PKN3: variants seen among roughly 807,000 people sequenced by gnomAD.
PKN3 encodes serine/threonine-protein kinase N3.
A neutral mutation model predicts 113.1 loss-of-function variants in PKN3; 91 were observed. The observed-to-expected ratio is 0.80, with a 90% CI of 0.68 to 0.96. The LOEUF (loss-of-function observed/expected upper bound fraction) is 0.96, where lower values mean the gene tolerates loss of function less well. PKN3 is among the 40% of genes least tolerant of loss of function. The pLI, the probability that PKN3 is intolerant of heterozygous loss-of-function variation, is 0.00. For missense variants in PKN3, 1,052 were observed against 1,202.2 expected, an observed-to-expected ratio of 0.88 and a Z score of 1.85; for synonymous variants, 467 against 499.0, an observed-to-expected ratio of 0.94 and a Z score of 0.85.
chr9:128,720,439 T>C lies in PKN3; in HGVS notation c.2503T>C (p.Phe835Leu). 1 of 1,613,190 alleles carries C rather than the reference T, an allele frequency of 6.2e-7. No homozygotes were observed. ...ALLARTIQPP[F>L]VPTLCGPADL... ...GCTCGCCCGCACCATCCAGCCCCCC[T>C]TCGTGCCTACCCTGTGTGGCCCTGC... is the stretch of plus-strand genomic sequence containing the variant. Residue 835 changes from phenylalanine to leucine, a missense_variant, in exon 22 of 22, where the codon TTC (phenylalanine) becomes CTC (leucine). Around this residue, in one of 2 missense-constraint regions of PKN3, gnomAD observed 333 missense variants for 442.8 expected, o/e 0.75. Coordinates refer to ENST00000291906, the MANE Select transcript of PKN3 (RefSeq NM_013355.5). The surrounding 1 kb of genome is among the most constrained non-coding windows in gnomAD (Gnocchi z 5.5).
At chr9:128,712,994 T>C (rs1319496351) in intron 6 of PKN3, 58 bp from the exon 7 acceptor site, 3 of 1,534,376 alleles carry the variant, frequency 2.0e-6, no homozygotes, top group Admixed American at 1.8e-5. Flanking sequence ...CAGGACACCT[T>C]GGTGGTAGCA....
At chr9:128,708,070 C>CAA (rs61519902) in intron 6 of PKN3, among the ~76,000 whole-genome samples, 4 of 68,274 alleles carry the variant, frequency 5.9e-5, no homozygotes, top group Non-Finnish European at 9.2e-5. Context: ...GACGCCGTCG[C>CAA]AAAAAAAAAA....
chr9:128,719,563 C>T (rs893487449), intron 18 of PKN3, 123 bp from the exon 19 acceptor site: 4 of 998,056 alleles, frequency 4.0e-6, no homozygotes, highest in Admixed American at 4.7e-5. Flanking sequence ...ACCATTCCCA[C>T]TTCCTTGGGT....
At position 128,702,873 on chromosome 9, in the gene PKN3, C is replaced by T. The variant is rs748952149; in HGVS notation, c.-43C>T. On this transcript the variant is annotated 5_prime_UTR_variant, in exon 1 of 22. Transcript: ENST00000291906. The stretch of plus-strand genomic sequence containing the variant: ...GCGGAGGGTCTGCGGCTTCCGGGAC[C>T]GGAGTGGCTGAGAGAAGGGCCCCAA... 3 of 1,429,126 alleles carry T rather than the reference C, an allele frequency of 2.1e-6. No individual in the cohort carries two copies. Among genetic ancestry groups the T allele is most frequent in the African/African-American group, 3.0e-5 (2 of 67,384 alleles). The allele number at this position is 1,429,126 out of a possible 1,614,324, so 88.5% of individuals were successfully genotyped here.
Position 128,715,595 on chromosome 9 carries a change from C to T in PKN3, c.1808+135C>T, listed in dbSNP as rs566653266. 1.6e-5 allele frequency: 10 copies of T among 635,306 alleles called. No homozygotes were observed. The South Asian group carries it at 1.7e-4, about 11-fold the overall frequency. 39.4% of individuals were successfully genotyped at this position (635,306 alleles called of 1,614,324 possible). A position where few individuals can be genotyped will look rare whatever the true frequency, so the allele number is the denominator to read the frequency against. On this transcript the variant is annotated intron_variant, in intron 15 of 21. Coordinates refer to ENST00000291906, the MANE Select transcript of PKN3 (RefSeq NM_013355.5). This position sits in a 1 kb window ranked among gnomAD's most constrained non-coding sequence, Gnocchi z 4.1. ...AGCCTGCATTCTCTTTTGGCACCTG[C>T]AGTTGTTAACTGTGTTTCCTTGGGC...
chr9:128,708,128 C>A (rs1407011450), intron 6 of PKN3, among the ~76,000 whole-genome samples: 3 of 147,410 alleles, frequency 2.0e-5, no homozygotes, highest in African/African-American at 7.6e-5. Context: ...TGCCTGTAAT[C>A]CCAGCACTTT....
Position 128,720,688 on chromosome 9 carries a change from G to C in PKN3, c.*82G>C. The C allele has an allele frequency of 4.9e-6, 6 of 1,223,182 alleles. No individual in the cohort carries two copies. The highest frequency in any genetic ancestry group is 5.8e-6 in the Non-Finnish European group (5 of 861,660). 75.8% of individuals were successfully genotyped at this position (1,223,182 alleles called of 1,614,324 possible). A position where few individuals can be genotyped will look rare whatever the true frequency, so the allele number is the denominator to read the frequency against. On this transcript the variant is annotated 3_prime_UTR_variant, in exon 22 of 22. Transcript: ENST00000291906. This position sits in a 1 kb window ranked among gnomAD's most constrained non-coding sequence, Gnocchi z 5.5. ...GTTCACCCGTGCGCCCTGCCTGGAG[G>C]TCCAGGCCTTGCTGGGTACTTCTGA...
rs769246611 is a variant in PKN3 at position 128,719,758 on chromosome 9, A to G, written c.2198A>G (p.Gln733Arg). ...TTCCTGGCTCCCGAGGTGCTGACCCAGGAGGCATACACACGGGCTGTGGAC... is the reference window on the plus strand; with the variant it reads ...TTCCTGGCTCCCGAGGTGCTGACCCGGGAGGCATACACACGGGCTGTGGAC... The part of the protein sequence containing the change: ...PEFLAPEVLT[Q>R]EAYTRAVDWW... The change falls in exon 19 of 22, where the codon CAG becomes CGG. Residue 733 changes from glutamine (Q) to arginine (R), a missense_variant. Around this residue, in one of 2 missense-constraint regions of PKN3, gnomAD observed 333 missense variants for 442.8 expected, o/e 0.75. Transcript: ENST00000291906. 3.7e-6 allele frequency: 6 copies of G among 1,604,982 alleles called. No homozygotes were observed. Among genetic ancestry groups the G allele is most frequent in the Non-Finnish European group, 5.1e-6 (6 of 1,174,986 alleles).
intron 7 of PKN3, 22 bp downstream of exon 7, chr9:128,713,220 G>T: frequency 2.5e-6 from 4 of 1,609,674 alleles, no homozygotes; most frequent in Middle Eastern, 3.3e-4. Flanking sequence ...AGGAGCTTCA[G>T]GGGGAGCAGG....
intron 6 of PKN3, among the ~76,000 whole-genome samples, chr9:128,711,700 G>A (rs934566300): frequency 1.3e-5 from 2 of 151,636 alleles, no homozygotes; most frequent in Admixed American, 6.6e-5. Context: ...CCAGGTTCAA[G>A]CGATTCTCCT....
At position 128,720,453 on chromosome 9, in the gene PKN3, G is replaced by T; in HGVS notation, c.2517G>T (p.Leu839=). The change falls in exon 22 of 22, where the codon CTG becomes CTT. Residue 839 remains leucine, a synonymous_variant. Coordinates refer to ENST00000291906, the MANE Select transcript of PKN3 (RefSeq NM_013355.5). The surrounding 1 kb of genome is among the most constrained non-coding windows in gnomAD (Gnocchi z 5.5). ...RTIQPPFVPT[L]CGPADLRYFE... Reference sequence around the variant, plus strand: ...TCCAGCCCCCCTTCGTGCCTACCCTGTGTGGCCCTGCGGACCTGCGCTACT... The same window carrying T: ...TCCAGCCCCCCTTCGTGCCTACCCTTTGTGGCCCTGCGGACCTGCGCTACT... The T allele has an allele frequency of 1.9e-6, 3 of 1,613,220 alleles. No individual in the cohort carries two copies. The highest frequency in any genetic ancestry group is 2.5e-6 in the Non-Finnish European group (3 of 1,180,002).
chr9:128,702,771 A>C lies in PKN3; in HGVS notation c.-145A>C. On this transcript the variant is annotated 5_prime_UTR_variant, in exon 1 of 22. Coordinates refer to ENST00000291906, the MANE Select transcript of PKN3 (RefSeq NM_013355.5). The stretch of plus-strand genomic sequence containing the variant: ...GGAGGCGGCGCTGGTCCCGCGGGCC[A>C]GCGGGTCTCGGGAGGGGGCGCCCGA... 29 of 599,480 alleles carry C rather than the reference A, an allele frequency of 4.8e-5. No individual in the cohort carries two copies. The highest frequency in any genetic ancestry group is 3.3e-5 in the Admixed American group (1 of 30,366). The allele number at this position is 599,480 out of a possible 1,614,324, so 37.1% of individuals were successfully genotyped here.
Position 128,714,204 on chromosome 9 carries a change from C to T in PKN3, c.1320C>T (p.Asp440=), listed in dbSNP as rs748349356. 2.5e-6 allele frequency: 4 copies of T among 1,613,994 alleles called. No individual in the cohort carries two copies. The highest frequency in any genetic ancestry group is 2.5e-6 in the Non-Finnish European group (3 of 1,179,918). Reference sequence around the variant, plus strand: ...CTCCCCCTTTTCTCCCAGGCCAGGACTTCCTGAGGGCTTCGCAGATGAACC... The same window carrying T: ...CTCCCCCTTTTCTCCCAGGCCAGGATTTCCTGAGGGCTTCGCAGATGAACC... ...ERIFSKRRGQ[D]FLRASQMNLG... Residue 440 remains aspartate (D), a synonymous_variant, in exon 11 of 22, where the codon GAC becomes GAT. Transcript: ENST00000291906.
intron 16 of PKN3, among the ~76,000 whole-genome samples, 194 bp downstream of exon 16, chr9:128,717,117 CTTTTTTTT>C (rs34182369): frequency 0.013 from 324 of 24,384 alleles, 15 homozygotes; most frequent in African/African-American, 0.031. Context: ...CATTAGGTTT[CTTTTTTTT>C]TTTTTTTTTT....
chr9:128,716,418 C>T (rs1410286077), intron 15 of PKN3, among the ~76,000 whole-genome samples: 3 of 150,732 alleles, frequency 2.0e-5, no homozygotes, highest in East Asian at 2.0e-4. Context: ...GGCAACACAG[C>T]GAAACCCTGC....
chr9:128,703,497 G>A, intron 1 of PKN3: 1 of 985,446 alleles, frequency 1.0e-6, no homozygotes, highest in African/African-American at 1.7e-5. Context: ...GAATGCGGAG[G>A]GGGCTGGGTT....
chr9:128,713,175 A>G lies in PKN3; in HGVS notation c.959A>G (p.Gln320Arg). ...TGGCTTCGGACCAAGGCCAAGCACC[A>G]GCGTGGCCGAGGCGAGCTTGCCAGT... ...EGWLRTKAKH[Q>R]RGRGELASEV... The change falls in exon 7 of 22, where the codon CAG (glutamine) becomes CGG (arginine). Residue 320 changes from glutamine (Q) to arginine (R), a missense_variant. Coordinates refer to ENST00000291906, the MANE Select transcript of PKN3 (RefSeq NM_013355.5). The G allele has an allele frequency of 6.2e-7, 1 of 1,608,102 alleles. No homozygotes were observed.
At chr9:128,716,199 G>C (rs1011608026) in intron 15 of PKN3, among the ~76,000 whole-genome samples, 1 of 150,306 alleles carries the variant, frequency 6.7e-6, no homozygotes, top group African/African-American at 2.5e-5. Flanking sequence ...TCGTGAAGCT[G>C]TGGTGGGAGG....
intron 18 of PKN3, among the ~76,000 whole-genome samples, chr9:128,719,345 A>G (rs184270976): frequency 6.7e-6 from 1 of 148,226 alleles, no homozygotes; most frequent in Admixed American, 6.8e-5. Context: ...ACATGCCACC[A>G]CACCCAGCTT....
Sources: allele counts gnomAD v4.1 joint callset (sites outside exome capture counted in the v4.1 genomes callset), GRCh38; gene constraint gnomAD v4.1.1; regional missense constraint gnomAD v4.1.1; non-coding constraint Gnocchi (gnomAD v3.1); transcripts MANE v1.5; gene names NCBI Gene and HGNC (gene_info 2026-07-23, HGNC 2026-07-21).